EIF3E: variants seen among roughly 807,000 people sequenced by gnomAD.
EIF3E encodes eukaryotic translation initiation factor 3 subunit E, also known as eIF-3 p48.
Under a neutral mutation model 59.3 loss-of-function variants are expected in EIF3E, and 25 were observed. The observed-to-expected ratio is 0.42, with a 90% CI of 0.31 to 0.59. The LOEUF (loss-of-function observed/expected upper bound fraction) is 0.59, where lower values mean the gene tolerates loss of function less well. EIF3E is among the 20% of genes least tolerant of loss of function. The pLI, the probability that EIF3E is intolerant of heterozygous loss-of-function variation, is 0.15. For missense variants in EIF3E, 317 were observed against 534.3 expected, an observed-to-expected ratio of 0.59 and a Z score of 4.01; for synonymous variants, 176 against 170.2, an observed-to-expected ratio of 1.03 and a Z score of -0.26.
intron 9 of EIF3E, among the ~76,000 whole-genome samples, chr8:108,215,200 A>G (rs1388262990): frequency 6.6e-6 from 1 of 152,174 alleles, no homozygotes; most frequent in African/African-American, 2.4e-5. Context: ...TTTAACATCA[A>G]AACCTAGACA....
At chr8:108,219,769 GCTGCAATAAGCCGTTA>G (rs1055302053) in intron 7 of EIF3E, among the ~76,000 whole-genome samples, 22 of 152,078 alleles carry the variant, frequency 1.4e-4, no homozygotes, top group African/African-American at 5.3e-4. Context: ...GGAGGTCGAG[GCTGCAATAAGCCGTTA>G]CTGCACCACT....
intron 9 of EIF3E, among the ~76,000 whole-genome samples, chr8:108,216,146 A>C (rs1051856250): frequency 6.6e-6 from 1 of 152,214 alleles, no homozygotes; most frequent in African/African-American, 2.4e-5. Context: ...TGTTTTAACA[A>C]ACTCCCTCAC....
chr8:108,232,980 A>G lies in EIF3E; in HGVS notation c.471+2018T>C, dbSNP rs182061783. Among the ~76,000 whole-genome samples the G allele has an allele frequency of 2.6e-3, 389 of 152,360 alleles. 2 individuals are homozygous for G. The highest frequency in any genetic ancestry group is 9.0e-3 in the African/African-American group (374 of 41,586). On this transcript the variant is annotated intron_variant, in intron 5 of 12. Transcript: ENST00000220849. ...TAACCAACTCTTTTCATGTACCTGT[A>G]ATCATACCAGGCTTCTGATTTTACA... is the stretch of plus-strand genomic sequence containing the variant.
At chr8:108,206,570 C>G (rs2129843148) in intron 10 of EIF3E, among the ~76,000 whole-genome samples, 1 of 151,720 alleles carries the variant, frequency 6.6e-6, no homozygotes, top group Admixed American at 6.6e-5. Context: ...CTGAGCAACA[C>G]AGCAAGATTC....
rs1225171039 is a variant in EIF3E, at chr8:108,201,473, A to G, written c.*412T>C. The G allele has an allele frequency of 6.5e-6, 1 of 152,738 alleles. No homozygotes were observed. Among genetic ancestry groups the G allele is most frequent in the Non-Finnish European group, 1.5e-5 (1 of 68,522 alleles). The allele number at this position is 152,738 out of a possible 1,614,324, so 9.5% of individuals were successfully genotyped here. A position where few individuals can be genotyped will look rare whatever the true frequency, so the allele number is the denominator to read the frequency against. On this transcript the variant is annotated 3_prime_UTR_variant, in exon 13 of 13. Coordinates refer to ENST00000220849, the MANE Select transcript of EIF3E (RefSeq NM_001568.3). Reference sequence around the variant, plus strand: ...AGGTAGCATGAGGGAGATCATGATGATAGTTCTCTATCTTGGCTGCAGTGA... The same window carrying G: ...AGGTAGCATGAGGGAGATCATGATGGTAGTTCTCTATCTTGGCTGCAGTGA...
intron 10 of EIF3E, among the ~76,000 whole-genome samples, chr8:108,207,454 A>ATTTATT (rs1328579281): frequency 3.3e-4 from 50 of 152,186 alleles, no homozygotes; most frequent in African/African-American, 1.2e-3. Flanking sequence ...AAAAAGACAA[A>ATTTATT]AAGTTGGCGT....
chr8:108,222,132 T>C (rs1815429875), intron 7 of EIF3E, among the ~76,000 whole-genome samples: 1 of 151,612 alleles, frequency 6.6e-6, no homozygotes, highest in Non-Finnish European at 1.5e-5. Context: ...AGCCTTTAAC[T>C]CCTGGACTCA....
chr8:108,233,720 T>C, intron 5 of EIF3E: 1 of 344,852 alleles, frequency 2.9e-6, no homozygotes, highest in Non-Finnish European at 5.9e-6. Context: ...TGATGCACAC[T>C]TGTAGTCCTA....
rs1213940262 is a variant in EIF3E, at chr8:108,214,695, A to G, written c.973T>C (p.Leu325=). The G allele has an allele frequency of 6.2e-7, 1 of 1,608,688 alleles. No individual in the cohort carries two copies. ...ATGAAATCCTCAAGACAAGCCACCAAGAAGAAGTCATTCACAAGCACCTAT... is the reference window on the plus strand; with the variant it reads ...ATGAAATCCTCAAGACAAGCCACCAGGAAGAAGTCATTCACAAGCACCTAT... The part of the protein sequence containing the change: ...CESVLVNDFF[L]VACLEDFIEN... The change falls in exon 10 of 13, where the codon TTG becomes CTG. Residue 325 remains leucine, a synonymous_variant. Transcript: ENST00000220849.
At chr8:108,240,274 C>CA (rs1387588193) in intron 2 of EIF3E, among the ~76,000 whole-genome samples, 199 bp from the exon 3 acceptor site, 2 of 151,768 alleles carry the variant, frequency 1.3e-5, no homozygotes, top group Non-Finnish European at 2.9e-5. Flanking sequence ...TACAAAGGCA[C>CA]AAAAAGGAAA....
intron 12 of EIF3E, 57 bp downstream of exon 12, chr8:108,202,926 T>G (rs1056693135): frequency 6.5e-7 from 1 of 1,527,994 alleles, no homozygotes; most frequent in Non-Finnish European, 8.8e-7. Flanking sequence ...TGAAACTTCA[T>G]GTAACAATTA....
intron 7 of EIF3E, among the ~76,000 whole-genome samples, chr8:108,223,259 A>G (rs1815454261): frequency 6.6e-6 from 1 of 152,210 alleles, no homozygotes; most frequent in African/African-American, 2.4e-5. Context: ...GGTTTTGGAC[A>G]AGAAAGAACA....
At chr8:108,233,402 G>A (rs1221121707) in intron 5 of EIF3E, 1 of 152,578 alleles carries the variant, frequency 6.6e-6, no homozygotes, top group Non-Finnish European at 1.5e-5. Context: ...CAGCAGCCAT[G>A]AGACTTTATT....
At chr8:108,228,241 C>A in intron 7 of EIF3E, 26 bp downstream of exon 7, 3 of 1,540,164 alleles carry the variant, frequency 1.9e-6, no homozygotes, top group South Asian at 1.3e-5. Flanking sequence ...TAAACAAAGC[C>A]AAAATTACAC....
chr8:108,211,369 A>G lies in EIF3E; in HGVS notation c.1061+3238T>C, dbSNP rs541989847. Among the ~76,000 whole-genome samples, 16 of 150,918 alleles carry G rather than the reference A, an allele frequency of 1.1e-4. No individual in the cohort carries two copies. The East Asian group carries it at 2.9e-3, about 27-fold the overall frequency. ...CCAGTGATGATGAGCATTTTTTCATATGTCTGTTGGCTGCATAAATGTCTT... is the reference window on the plus strand; with the variant it reads ...CCAGTGATGATGAGCATTTTTTCATGTGTCTGTTGGCTGCATAAATGTCTT... On this transcript the variant is annotated intron_variant, in intron 10 of 12. Transcript: ENST00000220849.
chr8:108,215,775 A>G (rs1317590804), intron 9 of EIF3E, among the ~76,000 whole-genome samples: 1 of 152,214 alleles, frequency 6.6e-6, no homozygotes, highest in African/African-American at 2.4e-5. Flanking sequence ...AATCTGGTAA[A>G]TGCAACTACA....
chr8:108,241,687 C>A, intron 2 of EIF3E, 112 bp downstream of exon 2: 1 of 538,464 alleles, frequency 1.9e-6, no homozygotes, highest in Non-Finnish European at 3.2e-6. Context: ...AGAACATTAA[C>A]ATTCAAATCA....
At chr8:108,209,893 T>C (rs968342600) in intron 10 of EIF3E, among the ~76,000 whole-genome samples, 1 of 152,134 alleles carries the variant, frequency 6.6e-6, no homozygotes, top group Non-Finnish European at 1.5e-5. Flanking sequence ...TTCTGTATCT[T>C]GAATGTATCA....
At chr8:108,241,160 G>C (rs924912340) in intron 2 of EIF3E, among the ~76,000 whole-genome samples, 1 of 152,104 alleles carries the variant, frequency 6.6e-6, no homozygotes, top group African/African-American at 2.4e-5. Flanking sequence ...AAACACAGAA[G>C]ATCTATGATC....
Sources: allele counts gnomAD v4.1 joint callset (sites outside exome capture counted in the v4.1 genomes callset), GRCh38; gene constraint gnomAD v4.1.1; transcripts MANE v1.5; gene names NCBI Gene and HGNC (gene_info 2026-07-23, HGNC 2026-07-21).